RNF43: variants seen among roughly 807,000 people sequenced by gnomAD.
RNF43 encodes the protein ring finger protein 43.
A neutral mutation model predicts 78.4 loss-of-function variants in RNF43; 37 were observed. The ratio of observed to expected loss-of-function variants is 0.47; its 90% CI spans 0.36 to 0.62. The LOEUF (loss-of-function observed/expected upper bound fraction) is 0.62. Among genes scored for constraint, RNF43 ranks in the 20% least tolerant of loss-of-function variants. RNF43 has a pLI of 0.00. For missense variants in RNF43, 774 were observed against 1,007.9 expected (o/e 0.77, Z 3.14); for synonymous variants, 347 against 395.0 (o/e 0.88, Z 1.44).
intron 2 of RNF43, among the ~76,000 whole-genome samples, chr17:58,375,606 T>G (rs985592261): frequency 6.6e-6 from 1 of 152,194 alleles, no homozygotes; most frequent in Non-Finnish European, 1.5e-5. Context: ...ACCAGATAAT[T>G]GACGATAGTT....
intron 2 of RNF43, among the ~76,000 whole-genome samples, chr17:58,383,544 C>T (rs971608018): frequency 8.5e-5 from 13 of 152,084 alleles, no homozygotes; most frequent in African/African-American, 2.9e-4. Context: ...CTCAAGCAAT[C>T]CTCCTGCCTC....
Position 58,357,706 on chromosome 17 carries a change from A to G in RNF43, c.2070T>C (p.Tyr690=), listed in dbSNP as rs2143391219. ...IFPHYTPSVA[Y]PWSPEAHPLI... is the part of the protein sequence containing the mutation. ...AGGGGTGTGCCTCTGGGGACCAAGG[A>G]TATGCCACACTGGGGGTGTAATGGG... Residue 690 remains tyrosine (Y), a synonymous_variant, in exon 9 of 10, where the codon TAT becomes TAC. Transcript: ENST00000407977. This position sits in a 1 kb window ranked among gnomAD's most constrained non-coding sequence, Gnocchi z 4.5. 3 of 1,611,794 alleles carry G rather than the reference A, an allele frequency of 1.9e-6. No individual in the cohort carries two copies. The highest frequency in any genetic ancestry group is 2.5e-6 in the Non-Finnish European group (3 of 1,178,776).
rs1336300460 is a variant in RNF43 at position 58,415,550 on chromosome 17, C to T, written c.28G>A (p.Ala10Thr). The T allele has an allele frequency of 6.2e-7, 1 of 1,609,586 alleles. No homozygotes were observed. The highest frequency in any genetic ancestry group is 8.5e-7 in the Non-Finnish European group (1 of 1,180,000). MSGGHQLQL[A>T]ALWPWLLMAT... ...ATCAGCAGCCAGGGCCAGAGGGCAG[C>T]CAGCTGCAGCTGGTGGCCACCACTC... The change falls in exon 2 of 10, where the codon GCT becomes ACT. Residue 10 changes from alanine (A) to threonine (T), a missense_variant. By Grantham distance (58) the Ala-to-Thr change is moderately conservative. Coordinates refer to ENST00000407977, the MANE Select transcript of RNF43 (RefSeq NM_017763.6).
rs564893463 is a variant in RNF43, at chr17:58,411,893, G to T, written c.252+3433C>A. Among the ~76,000 whole-genome samples, 136 of 152,230 alleles carry T rather than the reference G, an allele frequency of 8.9e-4. 1 individual carries two copies. Among genetic ancestry groups the T allele is most frequent in the African/African-American group, 3.2e-3 (135 of 41,570 alleles). On this transcript the variant is annotated intron_variant, in intron 2 of 9. Transcript: ENST00000407977. The stretch of plus-strand genomic sequence containing the variant: ...AACCAAACCAGAAAACCGGAAATTA[G>T]ACAATGAATCAGCTCCAACACTTTT...
At chr17:58,396,497 T>A (rs1973683592) in intron 2 of RNF43, among the ~76,000 whole-genome samples, 1 of 152,060 alleles carries the variant, frequency 6.6e-6, no homozygotes, top group Non-Finnish European at 1.5e-5. Flanking sequence ...TACAATTAAC[T>A]AAAATAATGA....
In RNF43 at chr17:58,358,946, G is replaced by C. The variant is rs574662149; in HGVS notation, c.953-123C>G. The C allele has an allele frequency of 3.7e-6, 4 of 1,084,822 alleles. No individual in the cohort carries two copies. Among genetic ancestry groups the C allele is most frequent in the Non-Finnish European group, 5.0e-6 (4 of 796,324 alleles). 67.2% of individuals were successfully genotyped at this position (1,084,822 alleles called of 1,614,324 possible). A position where few individuals can be genotyped will look rare whatever the true frequency, so the allele number is the denominator to read the frequency against. On this transcript the variant is annotated intron_variant, in intron 8 of 9. Transcript: ENST00000407977. This position sits in a 1 kb window ranked among gnomAD's most constrained non-coding sequence, Gnocchi z 6.2. Reference sequence around the variant, plus strand: ...GTAGCCTGTGAGCTCAGAGTTTGGGGGATCAAGGACGTGCCTAAGCTGCCT... The same window carrying C: ...GTAGCCTGTGAGCTCAGAGTTTGGGCGATCAAGGACGTGCCTAAGCTGCCT...
At chr17:58,400,126 CA>C (rs1306704695) in intron 2 of RNF43, among the ~76,000 whole-genome samples, 1 of 152,102 alleles carries the variant, frequency 6.6e-6, no homozygotes, top group African/African-American at 2.4e-5. Flanking sequence ...GGAACAGGCA[CA>C]CATACAAAGG....
At chr17:58,390,852 TTTG>T (rs1973538843) in intron 2 of RNF43, among the ~76,000 whole-genome samples, 1 of 152,210 alleles carries the variant, frequency 6.6e-6, no homozygotes, top group Non-Finnish European at 1.5e-5. Flanking sequence ...ACTGAAACTT[TTTG>T]TTTTTCACAG....
chr17:58,385,012 C>T (rs1973401699), intron 2 of RNF43, among the ~76,000 whole-genome samples: 1 of 152,116 alleles, frequency 6.6e-6, no homozygotes, highest in African/African-American at 2.4e-5. Context: ...GACAAACAGC[C>T]CTAAATTACT....
At chr17:58,390,975 T>C (rs1316447315) in intron 2 of RNF43, among the ~76,000 whole-genome samples, 1 of 152,234 alleles carries the variant, frequency 6.6e-6, no homozygotes, top group Non-Finnish European at 1.5e-5. Flanking sequence ...ATTCTCAAGG[T>C]AGAGTTCTCT....
rs1393479082 is a variant in RNF43 at position 58,357,171 on chromosome 17, G to C, written c.2308+297C>G. On this transcript the variant is annotated intron_variant, in intron 9 of 9. Transcript: ENST00000407977. The surrounding 1 kb of genome is among the most constrained non-coding windows in gnomAD (Gnocchi z 4.5). ...GGCCTCCCAAAGTTCTGGGATTACA[G>C]GCATGAGCCATCACACCCGGCCTTC... 1.4e-6 allele frequency: 1 copy of C among 700,468 alleles called. No homozygotes were observed. The highest frequency in any genetic ancestry group is 1.5e-5 in the South Asian group (1 of 67,458). 43.4% of individuals were successfully genotyped at this position (700,468 alleles called of 1,614,324 possible). A position where few individuals can be genotyped will look rare whatever the true frequency, so the allele number is the denominator to read the frequency against.
intron 6 of RNF43, among the ~76,000 whole-genome samples, chr17:58,361,875 C>G (rs1028996024): frequency 7.9e-5 from 12 of 152,176 alleles, no homozygotes; most frequent in African/African-American, 2.9e-4. Flanking sequence ...AGGGTCTTTG[C>G]TGCAATGCCA....
chr17:58,355,064 G>T, intron 9 of RNF43, 78 bp from the exon 10 acceptor site: 2 of 1,266,314 alleles, frequency 1.6e-6, no homozygotes, highest in South Asian at 1.2e-5. Flanking sequence ...GCAGCAGAGT[G>T]TGGCTGAGAG....
chr17:58,403,967 C>CA (rs1454471822), intron 2 of RNF43, among the ~76,000 whole-genome samples: 3 of 152,192 alleles, frequency 2.0e-5, no homozygotes, highest in African/African-American at 4.8e-5. Context: ...TGATTGAAGT[C>CA]AGTGTGCTCT....
In RNF43 at chr17:58,357,109, G is replaced by A. The variant is rs1972699911; in HGVS notation, c.2308+359C>T. 6.0e-6 allele frequency: 4 copies of A among 664,924 alleles called. No homozygotes were observed. The highest frequency in any genetic ancestry group is 1.1e-5 in the Non-Finnish European group (4 of 364,762). The allele number at this position is 664,924 out of a possible 1,614,324, so 41.2% of individuals were successfully genotyped here. On this transcript the variant is annotated intron_variant, in intron 9 of 9. Transcript: ENST00000407977. The surrounding 1 kb of genome is among the most constrained non-coding windows in gnomAD (Gnocchi z 4.5). ...GGGTTTCACCATGTTGGCCAGGTTGGTCTTGAACTCCTGGCCTCAAGGGAT... is the reference window on the plus strand; with the variant it reads ...GGGTTTCACCATGTTGGCCAGGTTGATCTTGAACTCCTGGCCTCAAGGGAT...
chr17:58,359,867 G>A (rs1004205425), intron 8 of RNF43, among the ~76,000 whole-genome samples: 13 of 147,096 alleles, frequency 8.8e-5, no homozygotes, highest in African/African-American at 2.3e-4. Context: ...AGGAGGTTGC[G>A]GTGAACCGAG....
chr17:58,402,512 G>A (rs963925449), intron 2 of RNF43: 3 of 152,130 alleles, frequency 2.0e-5, no homozygotes, highest in Non-Finnish European at 4.4e-5. Context: ...AACAGGTTCC[G>A]GAAAGGCTTG....
At chr17:58,401,700 A>G (rs1025235453) in intron 2 of RNF43, among the ~76,000 whole-genome samples, 1 of 152,186 alleles carries the variant, frequency 6.6e-6, no homozygotes, top group African/African-American at 2.4e-5. Context: ...GAGAAATAAG[A>G]CTATGAAAAT....
intron 2 of RNF43, among the ~76,000 whole-genome samples, chr17:58,400,431 A>G (rs1973772651): frequency 6.6e-6 from 1 of 152,254 alleles, no homozygotes; most frequent in South Asian, 2.1e-4. Flanking sequence ...TATTTCTGAT[A>G]GTAATTAGGT....
Sources: gnomAD v4.1 joint callset for allele counts (sites outside exome capture counted in the v4.1 genomes callset) on GRCh38, gnomAD v4.1.1 for gene constraint, Gnocchi (gnomAD v3.1) non-coding constraint, MANE v1.5 for transcripts, NCBI Gene and HGNC (gene_info 2026-07-23, HGNC 2026-07-21) for gene names.